LOXL2: variants seen among roughly 807,000 people sequenced by gnomAD.
The protein encoded by LOXL2 is lysyl oxidase homolog 2.
LOXL2 carries 70 observed loss-of-function variants against 93.0 expected under a neutral mutation model. The observed-to-expected ratio is 0.75, with a 90% CI of 0.62 to 0.92. The LOEUF is 0.92. Ranked by LOEUF, LOXL2 falls within the 40% of genes least tolerant of loss-of-function variation. The probability of loss-of-function intolerance (pLI) is 0.00; values close to 1 mark genes in which losing one functional copy is unlikely to be tolerated. For missense variants in LOXL2, 973 were observed against 1,054.9 expected (o/e 0.92, Z 1.08); for synonymous variants, 438 against 413.2 (o/e 1.06, Z -0.73).
intron 5 of LOXL2, 143 bp from the exon 6 acceptor site, chr8:23,328,708 G>GCTGTGT (rs1406520302): frequency 4.7e-6 from 2 of 422,644 alleles, no homozygotes; most frequent in Non-Finnish European, 8.4e-6. Flanking sequence ...TTGATGTATG[G>GCTGTGT]ATGTGTGTGT....
intron 12 of LOXL2, among the ~76,000 whole-genome samples, chr8:23,299,505 C>T (rs991896253): frequency 6.6e-6 from 1 of 152,142 alleles, no homozygotes; most frequent in African/African-American, 2.4e-5. Flanking sequence ...GAAGTTGCAC[C>T]CTCTCCCCAT....
intron 7 of LOXL2, among the ~76,000 whole-genome samples, chr8:23,321,140 GC>G (rs1178483134): frequency 3.3e-5 from 5 of 152,112 alleles, no homozygotes; most frequent in African/African-American, 1.2e-4. Flanking sequence ...TCTTGCCTGA[GC>G]CAGAGCAGTG....
intron 6 of LOXL2, among the ~76,000 whole-genome samples, chr8:23,325,830 C>T (rs570450760): frequency 2.0e-5 from 3 of 152,316 alleles, no homozygotes; most frequent in Admixed American, 1.3e-4. Flanking sequence ...CCGATGCGGG[C>T]AGGGGTCCTA....
At chr8:23,401,982 G>A (rs1182178633) in intron 1 of LOXL2, among the ~76,000 whole-genome samples, 3 of 152,236 alleles carry the variant, frequency 2.0e-5, no homozygotes, top group East Asian at 1.9e-4. Context: ...TTACAGGGAA[G>A]CAAATGCACA....
chr8:23,395,244 T>A lies in LOXL2; in HGVS notation c.-84+8710A>T, dbSNP rs1159596013. Among the ~76,000 whole-genome samples the A allele has an allele frequency of 3.3e-5, 5 of 150,172 alleles. No individual in the cohort carries two copies. In the East Asian group the frequency reaches 9.8e-4, roughly 29 times the overall value. ...ACTCCAGCCTGGTGACAGAGCAAGA[T>A]TCCGTCTCAAAACAAAACAAAACAA... On this transcript the variant is annotated intron_variant, in intron 1 of 13. Transcript: ENST00000389131.
chr8:23,387,449 C>T (rs10113585), intron 1 of LOXL2, among the ~76,000 whole-genome samples: 4,419 of 152,292 alleles, frequency 0.029, 243 homozygotes, highest in African/African-American at 0.1. Flanking sequence ...CCCACTCAGA[C>T]AGCCCACAGC....
At chr8:23,351,640 A>G (rs565428086) in intron 3 of LOXL2, among the ~76,000 whole-genome samples, 1 of 152,336 alleles carries the variant, frequency 6.6e-6, no homozygotes, top group South Asian at 2.1e-4. Flanking sequence ...TTTTCAAAGC[A>G]TTGTATCTGC....
chr8:23,346,749 G>GT (rs1803995571), intron 3 of LOXL2, among the ~76,000 whole-genome samples: 1 of 152,182 alleles, frequency 6.6e-6, no homozygotes, highest in East Asian at 1.9e-4. Context: ...CACCAGGCAC[G>GT]TTGTCTTAGC....
intron 1 of LOXL2, among the ~76,000 whole-genome samples, chr8:23,398,959 A>C (rs1800126485): frequency 6.6e-6 from 1 of 152,194 alleles, no homozygotes; most frequent in South Asian, 2.1e-4. Context: ...CAAGCACTGC[A>C]TTGGACAGCA....
chr8:23,306,455 A>G (rs1803231193), intron 10 of LOXL2, among the ~76,000 whole-genome samples: 1 of 152,240 alleles, frequency 6.6e-6, no homozygotes, highest in African/African-American at 2.4e-5. Flanking sequence ...AGAAAGGCAG[A>G]GGCCCTTCTG....
In LOXL2 at chr8:23,322,304, C is replaced by T. The variant is rs762551423; in HGVS notation, c.1151-23G>A. 10 of 1,606,958 alleles carry T rather than the reference C, an allele frequency of 6.2e-6. No individual in the cohort carries two copies. The Admixed American group carries it at 8.4e-5, about 13-fold the overall frequency. ...TCCCTGCAAGGGGAGAATAAACATG[C>T]TCTATGAAAGCTTTGGAAGGAAACT... On this transcript the variant is annotated intron_variant, in intron 6 of 13. Coordinates refer to ENST00000389131, the MANE Select transcript of LOXL2 (RefSeq NM_002318.3).
At chr8:23,385,959 G>A (rs1487451240) in intron 1 of LOXL2, 14 of 765,076 alleles carry the variant, frequency 1.8e-5, no homozygotes, top group Non-Finnish European at 2.6e-5. Context: ...CAAGTGTTTG[G>A]TGGCCCCATA....
At chr8:23,393,848 T>C (rs2117238143) in intron 1 of LOXL2, among the ~76,000 whole-genome samples, 1 of 152,344 alleles carries the variant, frequency 6.6e-6, no homozygotes, top group Admixed American at 6.5e-5. Context: ...TCTATTTGCA[T>C]GTCTGTTTCT....
At chr8:23,354,045 A>C (rs1008574164) in intron 3 of LOXL2, among the ~76,000 whole-genome samples, 8 of 152,208 alleles carry the variant, frequency 5.3e-5, no homozygotes, top group African/African-American at 2.4e-5. Flanking sequence ...AGGGAAGCAC[A>C]GTTAGCTCAT....
rs199843603 is a variant in LOXL2 at position 23,309,713 on chromosome 8, C to T, written c.1835G>A (p.Arg612Gln). Residue 612 changes from arginine (R) to glutamine (Q), a missense_variant, in exon 10 of 14, where the codon CGG (arginine) becomes CAG (glutamine). Physicochemically the swap from Arg to Gln is conservative, Grantham distance 43. Coordinates refer to ENST00000389131, the MANE Select transcript of LOXL2 (RefSeq NM_002318.3). ...CCACGCGTGGCGGCCGTTCTTGGGC[C>T]GGAAGTCGGACTGGCCATTGTTGTG... ...QIHNNGQSDF[R>Q]PKNGRHAWIW... 3.1e-5 allele frequency: 48 copies of T among 1,569,440 alleles called. No individual in the cohort carries two copies. In the East Asian group the frequency reaches 3.6e-4, roughly 12 times the overall value.
chr8:23,316,686 G>A (rs1261882739), intron 9 of LOXL2: 3 of 486,196 alleles, frequency 6.2e-6, no homozygotes, highest in South Asian at 7.2e-5. Context: ...CTGGGTCACT[G>A]CAGTAGCAGT....
intron 1 of LOXL2, chr8:23,385,808 G>C (rs1300519474): frequency 1.7e-6 from 1 of 595,144 alleles, no homozygotes; most frequent in East Asian, 2.8e-5. Context: ...TATTTTATTT[G>C]ATGCAATATA....
intron 6 of LOXL2, among the ~76,000 whole-genome samples, 181 bp from the exon 7 acceptor site, chr8:23,322,462 TG>T (rs2117160554): frequency 1.3e-5 from 2 of 152,310 alleles, no homozygotes; most frequent in South Asian, 4.1e-4. Context: ...CTAATTCTCT[TG>T]GGATTCACTT....
intron 5 of LOXL2, among the ~76,000 whole-genome samples, chr8:23,330,810 T>C (rs1803662979): frequency 1.4e-5 from 2 of 146,842 alleles, no homozygotes; most frequent in South Asian, 4.5e-4. Context: ...GTGGTGGGGG[T>C]TTGGGGGGTG....
Sources: allele counts gnomAD v4.1 joint callset (sites outside exome capture counted in the v4.1 genomes callset), GRCh38; gene constraint gnomAD v4.1.1; transcripts MANE v1.5; gene names NCBI Gene and HGNC (gene_info 2026-07-23, HGNC 2026-07-21).